Variants in KLF12 observed in about 807,000 individuals in gnomAD.
KLF12 encodes the protein KLF transcription factor 12.
In KLF12, 9 loss-of-function variants were observed where a neutral mutation model predicts 37.8. The observed-to-expected ratio is 0.24, with a 90% CI of 0.14 to 0.42. The LOEUF is 0.42. KLF12 is among the 10% of genes least tolerant of loss of function. KLF12 has a pLI of 1.00. For missense variants in KLF12, 411 were observed against 516.0 expected, an observed-to-expected ratio of 0.80 and a Z score of 1.97; for synonymous variants, 208 against 202.1, an observed-to-expected ratio of 1.03 and a Z score of -0.25.
At chr13:73,763,489 T>C (rs1405935101) in intron 6 of KLF12, among the ~76,000 whole-genome samples, 1 of 152,348 alleles carries the variant, frequency 6.6e-6, no homozygotes, top group East Asian at 1.9e-4. Context: ...TTGTTTTCCA[T>C]GGATTACTTC....
intron 7 of KLF12, among the ~76,000 whole-genome samples, chr13:73,698,354 G>A (rs746763111): frequency 2.1e-4 from 32 of 152,138 alleles, no homozygotes; most frequent in Non-Finnish European, 4.7e-4. Context: ...TAACAAGGAT[G>A]TGAGAGGCTG....
At chr13:74,253,967 CT>C in the KLF12 span, among the ~76,000 whole-genome samples, 1 of 152,126 alleles carries the variant, frequency 6.6e-6, no homozygotes, top group African/African-American at 2.4e-5. Context: ...ACCAGGGAGT[CT>C]TTTAAAAAAT....
chr13:73,946,673 A>G (rs957677778), intron 2 of KLF12, among the ~76,000 whole-genome samples: 28 of 152,354 alleles, frequency 1.8e-4, no homozygotes, highest in South Asian at 1.2e-3. Flanking sequence ...CACAGCCACA[A>G]CTATAATAAA....
intron 1 of KLF12, among the ~76,000 whole-genome samples, chr13:74,083,556 C>T (rs1330696713): frequency 1.3e-5 from 2 of 151,328 alleles, no homozygotes; most frequent in Admixed American, 1.3e-4. Flanking sequence ...TTAATACATT[C>T]TCATGTACAA....
At chr13:73,852,499 C>T (rs1008578059) in intron 3 of KLF12, among the ~76,000 whole-genome samples, 4 of 152,046 alleles carry the variant, frequency 2.6e-5, no homozygotes, top group Non-Finnish European at 4.4e-5. Context: ...TGATTGATTC[C>T]GGCCAGGCAC....
At chr13:74,265,685 C>A in the KLF12 span, among the ~76,000 whole-genome samples, 1 of 152,194 alleles carries the variant, frequency 6.6e-6, no homozygotes, top group Non-Finnish European at 1.5e-5. Flanking sequence ...ATAGTGGGAC[C>A]TACAGACACA....
At chr13:74,077,354 C>A (rs1181246619) in intron 1 of KLF12, among the ~76,000 whole-genome samples, 2 of 152,152 alleles carry the variant, frequency 1.3e-5, no homozygotes, top group Non-Finnish European at 2.9e-5. Flanking sequence ...AATCTCACTT[C>A]TTTTTCATGT....
At chr13:74,119,121 C>T (rs914318287) in intron 1 of KLF12, among the ~76,000 whole-genome samples, 13 of 151,886 alleles carry the variant, frequency 8.6e-5, no homozygotes, top group Middle Eastern at 3.2e-3. Context: ...TCACCTGAGG[C>T]CAAGTGTTCA....
chr13:74,087,833 T>C (rs1875401708), intron 1 of KLF12, among the ~76,000 whole-genome samples: 1 of 152,054 alleles, frequency 6.6e-6, no homozygotes, highest in South Asian at 2.1e-4. Flanking sequence ...TTTCTCGGTG[T>C]ATTGTGTAAA....
the KLF12 span, among the ~76,000 whole-genome samples, chr13:74,247,947 G>A: frequency 6.6e-6 from 1 of 152,202 alleles, no homozygotes; most frequent in South Asian, 2.1e-4. Flanking sequence ...TGGGGGCCAA[G>A]GGACTACCAG....
chr13:73,919,566 TA>T (rs1424567791), intron 3 of KLF12, among the ~76,000 whole-genome samples: 3 of 152,142 alleles, frequency 2.0e-5, no homozygotes, highest in Non-Finnish European at 4.4e-5. Flanking sequence ...AAGTCCAAAT[TA>T]AAATTGGCTA....
the KLF12 span, among the ~76,000 whole-genome samples, chr13:74,203,237 G>A: frequency 1.1e-3 from 171 of 152,124 alleles, no homozygotes; most frequent in Non-Finnish European, 1.5e-3. Context: ...GTAGTGATCT[G>A]GCTGGAGATT....
chr13:73,821,945 G>A (rs772510428), intron 4 of KLF12, among the ~76,000 whole-genome samples: 2 of 151,946 alleles, frequency 1.3e-5, no homozygotes. Context: ...TGGCATTTTT[G>A]CACTTTCCAT....
chr13:73,712,701 C>G (rs1347282619), intron 7 of KLF12, among the ~76,000 whole-genome samples: 3 of 152,154 alleles, frequency 2.0e-5, no homozygotes, highest in Admixed American at 6.5e-5. Flanking sequence ...TAAGAAATTT[C>G]CACATCCACT....
At chr13:74,122,573 T>C (rs372647071) in intron 1 of KLF12, among the ~76,000 whole-genome samples, 4 of 152,080 alleles carry the variant, frequency 2.6e-5, no homozygotes, top group African/African-American at 7.2e-5. Context: ...TCTCAGAAGA[T>C]ACCCATAAAG....
At chr13:73,927,158 A>G (rs1201024241) in intron 3 of KLF12, among the ~76,000 whole-genome samples, 1 of 152,170 alleles carries the variant, frequency 6.6e-6, no homozygotes, top group Non-Finnish European at 1.5e-5. Context: ...CAGGCTTGAA[A>G]ATCCAGTACC....
intron 1 of KLF12, among the ~76,000 whole-genome samples, chr13:74,014,889 T>C (rs534825214): frequency 2.2e-4 from 34 of 152,302 alleles, no homozygotes; most frequent in African/African-American, 7.2e-4. Flanking sequence ...ACACAATGTT[T>C]TTCTAAGTAA....
the KLF12 span, among the ~76,000 whole-genome samples, chr13:74,173,805 A>G: frequency 2.6e-5 from 4 of 152,222 alleles, no homozygotes; most frequent in Non-Finnish European, 5.9e-5. Context: ...AGTATTGGGG[A>G]AAATGCCCTT....
At chr13:74,163,904 AAG>A in the KLF12 span, among the ~76,000 whole-genome samples, 4,765 of 41,616 alleles carry the variant, frequency 0.11, 102 homozygotes, top group Middle Eastern at 0.26. Context: ...ATTAAAAAAA[AAG>A]AAATAGTGAC....
Sources: gnomAD v4.1 joint callset for allele counts (sites outside exome capture counted in the v4.1 genomes callset) on GRCh38, gnomAD v4.1.1 for gene constraint, MANE v1.5 for transcripts, NCBI Gene and HGNC (gene_info 2026-07-23, HGNC 2026-07-21) for gene names.